The following RNF185 variants were observed in gnomAD, a reference collection of about 807,000 sequenced individuals.
RNF185 encodes the protein ring finger protein 185.
A neutral mutation model predicts 24.9 loss-of-function variants in RNF185; 13 were observed. The observed-to-expected ratio is 0.52, with a 90% CI of 0.34 to 0.83. The LOEUF is 0.83. Among genes scored for constraint, RNF185 ranks in the 40% least tolerant of loss-of-function variants. The probability of loss-of-function intolerance (pLI) is 0.01; values close to 1 mark genes in which losing one functional copy is unlikely to be tolerated. For synonymous variants in RNF185, 79 were observed against 90.3 expected (o/e 0.88, Z 0.71); for missense variants, 184 against 244.7 (o/e 0.75, Z 1.65).
At chr22:31,181,482 T>C (rs1266443411) in intron 1 of RNF185, among the ~76,000 whole-genome samples, 1 of 152,232 alleles carries the variant, frequency 6.6e-6, no homozygotes, top group Non-Finnish European at 1.5e-5. Flanking sequence ...TTTTTATTTT[T>C]TTCCCCTGGA....
chr22:31,178,887 A>G (rs1449525290), intron 1 of RNF185, among the ~76,000 whole-genome samples: 1 of 152,240 alleles, frequency 6.6e-6, no homozygotes, highest in Non-Finnish European at 1.5e-5. Flanking sequence ...TTTGTAAAGC[A>G]GCATGTTAAT....
chr22:31,179,043 C>CG (rs1407487679), intron 1 of RNF185, among the ~76,000 whole-genome samples: 1 of 152,082 alleles, frequency 6.6e-6, no homozygotes, highest in African/African-American at 2.4e-5. Flanking sequence ...TAAAATGCAG[C>CG]GATAGATGTG....
chr22:31,186,278 T>A (rs62237398), intron 1 of RNF185, among the ~76,000 whole-genome samples: 12,972 of 152,172 alleles, frequency 0.085, 839 homozygotes, highest in East Asian at 0.4. Context: ...TAGCTTCCTA[T>A]CCTTTCATAG....
At chr22:31,201,645 A>G (rs763927984) in intron 6 of RNF185, 30 bp downstream of exon 6, 1 of 1,487,114 alleles carries the variant, frequency 6.7e-7, no homozygotes, top group Non-Finnish European at 9.4e-7. Flanking sequence ...AGAAATTAGG[A>G]AGATATCTTA....
intron 2 of RNF185, 143 bp downstream of exon 2, chr22:31,187,413 C>T: frequency 1.2e-6 from 1 of 857,126 alleles, no homozygotes; most frequent in Non-Finnish European, 1.8e-6. Context: ...GTTCCCATCC[C>T]AGCTCTGCTA....
intron 1 of RNF185, among the ~76,000 whole-genome samples, chr22:31,170,307 G>GC (rs2047915789): frequency 6.6e-6 from 1 of 152,004 alleles, no homozygotes; most frequent in Non-Finnish European, 1.5e-5. Context: ...TCCTGCCTCA[G>GC]CCCCCCGAGT....
intron 1 of RNF185, among the ~76,000 whole-genome samples, chr22:31,184,890 CA>C (rs2048082700): frequency 1.6e-5 from 2 of 126,552 alleles, no homozygotes; most frequent in Admixed American, 2.3e-4. Context: ...AGCTCGGCAT[CA>C]GAGGGAGACC....
intron 1 of RNF185, among the ~76,000 whole-genome samples, chr22:31,164,085 G>A (rs924361929): frequency 1.3e-5 from 2 of 151,806 alleles, no homozygotes; most frequent in Non-Finnish European, 2.9e-5. Context: ...AGGTTCAAGC[G>A]ATTCTCCTGC....
At chr22:31,199,656 T>G (rs2048241666) in intron 5 of RNF185, among the ~76,000 whole-genome samples, 1 of 152,210 alleles carries the variant, frequency 6.6e-6, no homozygotes, top group African/African-American at 2.4e-5. Flanking sequence ...AATCTGTGGT[T>G]CCTGATGAAA....
intron 1 of RNF185, among the ~76,000 whole-genome samples, chr22:31,175,410 C>A (rs1216891574): frequency 6.6e-6 from 1 of 151,016 alleles, no homozygotes; most frequent in Non-Finnish European, 1.5e-5. Flanking sequence ...GCCGAGATCA[C>A]GCCATTGCAC....
chr22:31,198,580 G>A (rs1243307245), intron 5 of RNF185, among the ~76,000 whole-genome samples: 2 of 151,014 alleles, frequency 1.3e-5, no homozygotes, highest in African/African-American at 2.4e-5. Flanking sequence ...TGTATTTTTA[G>A]TAGAGACGAG....
At chr22:31,176,542 G>A (rs1602803566) in intron 1 of RNF185, among the ~76,000 whole-genome samples, 1 of 148,558 alleles carries the variant, frequency 6.7e-6, no homozygotes, top group South Asian at 2.1e-4. Context: ...AGGCTGGAGT[G>A]TAGTGGTGCG....
rs1246384794 is a variant in RNF185, at chr22:31,206,652, C to T, written c.*2066C>T. ...CACTCTGGGAACCTGTTAGTAAAGC[C>T]AGGCTGGCCAAATGCCATTTGATTT... On this transcript the variant is annotated 3_prime_UTR_variant, in exon 7 of 7. Coordinates refer to ENST00000326132, the MANE Select transcript of RNF185 (RefSeq NM_152267.4). The T allele has an allele frequency of 1.3e-5, 2 of 152,484 alleles. No individual in the cohort carries two copies. Among genetic ancestry groups the T allele is most frequent in the Middle Eastern group, 3.2e-3 (1 of 316 alleles). The allele number at this position is 152,484 out of a possible 1,614,324, so 9.4% of individuals were successfully genotyped here.
At chr22:31,186,320 G>A (rs2048097603) in intron 1 of RNF185, among the ~76,000 whole-genome samples, 1 of 152,030 alleles carries the variant, frequency 6.6e-6, no homozygotes, top group South Asian at 2.1e-4. Flanking sequence ...CTGGCGTATG[G>A]GCTGGGCACA....
chr22:31,205,322 A>T lies in RNF185; in HGVS notation c.*736A>T, dbSNP rs1022469417. 1 of 168,880 alleles carries T rather than the reference A, an allele frequency of 5.9e-6. No homozygotes were observed. The highest frequency in any genetic ancestry group is 2.4e-5 in the African/African-American group (1 of 41,476). The allele number at this position is 168,880 out of a possible 1,614,324, so 10.5% of individuals were successfully genotyped here. On this transcript the variant is annotated 3_prime_UTR_variant, in exon 7 of 7. Transcript: ENST00000326132. ...TGGTGAGACATGTGGCTTAACTCAC[A>T]GGTTTCCCATCAGCTTTCTCCCTAA...
Position 31,205,159 on chromosome 22 carries a change from G to T in RNF185, c.*573G>T. On this transcript the variant is annotated 3_prime_UTR_variant, in exon 7 of 7. Coordinates refer to ENST00000326132, the MANE Select transcript of RNF185 (RefSeq NM_152267.4). ...TTGCTGTCCCATAAAAATCATAATT[G>T]CAGTAGCTAAAGCTGGGGTCACTTC... 1 of 172,246 alleles carries T rather than the reference G, an allele frequency of 5.8e-6. No homozygotes were observed. Among genetic ancestry groups the T allele is most frequent in the Admixed American group, 6.3e-5 (1 of 15,810 alleles). The allele number at this position is 172,246 out of a possible 1,614,324, so 10.7% of individuals were successfully genotyped here.
chr22:31,200,734 A>G lies in RNF185; in HGVS notation c.364-764A>G, dbSNP rs563795832. On this transcript the variant is annotated intron_variant, in intron 5 of 6. Coordinates refer to ENST00000326132, the MANE Select transcript of RNF185 (RefSeq NM_152267.4). ...GAGTGGCTGCGAAGTGGGAAGGTGA[A>G]TAGAAGATCTCTGACTCTGTCAATT... 1.1e-4 allele frequency among the ~76,000 whole-genome samples: 17 copies of G among 152,356 alleles called. No homozygotes were observed. The South Asian group carries it at 3.5e-3, about 32-fold the overall frequency.
intron 1 of RNF185, among the ~76,000 whole-genome samples, chr22:31,161,035 G>T (rs1205429835): frequency 1.3e-5 from 2 of 152,220 alleles, no homozygotes; most frequent in Non-Finnish European, 2.9e-5. Flanking sequence ...GGAATGGTTA[G>T]CTCAGTAAAG....
At chr22:31,190,175 A>G (rs1348541250) in intron 2 of RNF185, among the ~76,000 whole-genome samples, 1 of 152,274 alleles carries the variant, frequency 6.6e-6, no homozygotes, top group Admixed American at 6.5e-5. Flanking sequence ...CATATCCAAC[A>G]GCGGTTCCAT....
Sources: gnomAD v4.1 joint callset for allele counts (sites outside exome capture counted in the v4.1 genomes callset) on GRCh38, gnomAD v4.1.1 for gene constraint, MANE v1.5 for transcripts, NCBI Gene and HGNC (gene_info 2026-07-23, HGNC 2026-07-21) for gene names.